The following TAX1BP1 variants were observed in gnomAD, a reference collection of about 807,000 sequenced individuals.
TAX1BP1 encodes tax1-binding protein 1.
TAX1BP1 carries 62 observed loss-of-function variants against 97.7 expected under a neutral mutation model. That is an observed-to-expected ratio of 0.63 (90% CI 0.52 to 0.78). The LOEUF (loss-of-function observed/expected upper bound fraction) is 0.78, where lower values mean the gene tolerates loss of function less well. Ranked by LOEUF, TAX1BP1 falls within the 30% of genes least tolerant of loss-of-function variation. The probability of loss-of-function intolerance (pLI) is 0.00; values close to 1 mark genes in which losing one functional copy is unlikely to be tolerated. For missense variants in TAX1BP1, 867 were observed against 916.1 expected (o/e 0.95, Z 0.69); for synonymous variants, 340 against 304.2 (o/e 1.12, Z -1.23).
chr7:27,772,450 A>G (rs1486360166), intron 5 of TAX1BP1: 1 of 152,098 alleles, frequency 6.6e-6, no homozygotes, highest in Non-Finnish European at 1.5e-5. Context: ...TCCATGTAAT[A>G]AGCAGAGACC....
chr7:27,760,043 G>A (rs1295727757), intron 3 of TAX1BP1, among the ~76,000 whole-genome samples: 2 of 151,804 alleles, frequency 1.3e-5, no homozygotes, highest in Non-Finnish European at 2.9e-5. Context: ...TAATGGAGAC[G>A]GGGTTTTGCC....
intron 3 of TAX1BP1, among the ~76,000 whole-genome samples, chr7:27,763,444 A>G (rs1788505095): frequency 6.6e-6 from 1 of 152,020 alleles, no homozygotes; most frequent in Non-Finnish European, 1.5e-5. Flanking sequence ...TTAGCAGTTT[A>G]TTTTAGTGAA....
At chr7:27,754,188 T>A (rs1583669528) in intron 2 of TAX1BP1, among the ~76,000 whole-genome samples, 1 of 152,268 alleles carries the variant, frequency 6.6e-6, no homozygotes, top group East Asian at 1.9e-4. Flanking sequence ...GATTAGAAGG[T>A]GGATCCAAAC....
chr7:27,778,195 G>A (rs1263993473), intron 5 of TAX1BP1, among the ~76,000 whole-genome samples: 4 of 152,266 alleles, frequency 2.6e-5, no homozygotes, highest in African/African-American at 9.6e-5. Context: ...AATGAAAAAT[G>A]TACACTGCAA....
At chr7:27,803,278 A>G (rs1790207433) in intron 13 of TAX1BP1, 1 of 1,139,782 alleles carries the variant, frequency 8.8e-7, no homozygotes, top group Non-Finnish European at 1.2e-6. Context: ...GTGACAGTAC[A>G]ATGTTCAAAT....
chr7:27,781,102 T>C (rs1444673317), intron 5 of TAX1BP1, among the ~76,000 whole-genome samples: 3 of 152,210 alleles, frequency 2.0e-5, no homozygotes, highest in Non-Finnish European at 4.4e-5. Context: ...CACTAATATA[T>C]TTGTAGCCTG....
At chr7:27,805,457 A>G (rs1001348896) in intron 13 of TAX1BP1, among the ~76,000 whole-genome samples, 9 of 152,068 alleles carry the variant, frequency 5.9e-5, no homozygotes, top group African/African-American at 1.9e-4. Context: ...TACTTTTACC[A>G]TGTAAATGTT....
chr7:27,808,382 A>G (rs1790424997), intron 13 of TAX1BP1, among the ~76,000 whole-genome samples: 1 of 152,160 alleles, frequency 6.6e-6, no homozygotes, highest in African/African-American at 2.4e-5. Context: ...TCCTTGATAT[A>G]TTTACTCAAG....
intron 1 of TAX1BP1, among the ~76,000 whole-genome samples, chr7:27,744,550 ATT>A (rs1404403556): frequency 1.3e-5 from 2 of 152,368 alleles, no homozygotes; most frequent in South Asian, 2.1e-4. Flanking sequence ...TATATTTAGT[ATT>A]TATCTAAATT....
Position 27,799,976 on chromosome 7 carries a change from A to G in TAX1BP1, c.1650A>G (p.Ala550=), listed in dbSNP as rs950741118. 2.0e-5 allele frequency: 32 copies of G among 1,594,078 alleles called. No individual in the cohort carries two copies. The highest frequency in any genetic ancestry group is 2.6e-5 in the Non-Finnish European group (31 of 1,172,976). The change falls in exon 13 of 17, where the codon GCA becomes GCG. Residue 550 remains alanine (A), a synonymous_variant. Transcript: ENST00000396319. ...KCKQLLQDEK[A]KCNKYADELA... is the part of the protein sequence containing the mutation. ...CTAATTTCATTTAGGATGAGAAAGCAAAATGCAATAAATATGCTGATGAAC... is the reference window on the plus strand; with the variant it reads ...CTAATTTCATTTAGGATGAGAAAGCGAAATGCAATAAATATGCTGATGAAC...
chr7:27,779,744 G>A (rs536601965), intron 5 of TAX1BP1, among the ~76,000 whole-genome samples: 22 of 152,278 alleles, frequency 1.4e-4, no homozygotes, highest in African/African-American at 5.3e-4. Flanking sequence ...GAAGTCTGGG[G>A]AGGGGATCGC....
intron 5 of TAX1BP1, among the ~76,000 whole-genome samples, chr7:27,775,125 A>G (rs1224640183): frequency 6.6e-6 from 1 of 152,190 alleles, no homozygotes; most frequent in South Asian, 2.1e-4. Flanking sequence ...ATTGAGCCTG[A>G]GAAGCTATGG....
At chr7:27,802,466 G>A (rs1012268858) in intron 13 of TAX1BP1, among the ~76,000 whole-genome samples, 1 of 152,176 alleles carries the variant, frequency 6.6e-6, no homozygotes, top group African/African-American at 2.4e-5. Context: ...ATTTGTATTT[G>A]TATCCATTAA....
chr7:27,810,667 G>T (rs945679914), intron 13 of TAX1BP1, among the ~76,000 whole-genome samples: 38 of 152,172 alleles, frequency 2.5e-4, no homozygotes, highest in Admixed American at 2.1e-3. Context: ...TATATCTCCT[G>T]CCTGAGACAG....
At chr7:27,799,582 A>T (rs1461292606) in intron 12 of TAX1BP1, among the ~76,000 whole-genome samples, 1 of 152,208 alleles carries the variant, frequency 6.6e-6, no homozygotes, top group African/African-American at 2.4e-5. Flanking sequence ...ATCCCCTGAG[A>T]TAAGAACTAT....
At chr7:27,804,857 C>T (rs1420660980) in intron 13 of TAX1BP1, among the ~76,000 whole-genome samples, 1 of 152,152 alleles carries the variant, frequency 6.6e-6, no homozygotes, top group Non-Finnish European at 1.5e-5. Context: ...CATAGAAATC[C>T]TCCATCTTTT....
At chr7:27,801,827 G>A (rs1583392145) in intron 13 of TAX1BP1, among the ~76,000 whole-genome samples, 1 of 152,142 alleles carries the variant, frequency 6.6e-6, no homozygotes, top group African/African-American at 2.4e-5. Flanking sequence ...ATTTTGTACT[G>A]TTTTGACACA....
chr7:27,821,840 A>C (rs2128326425), intron 15 of TAX1BP1, among the ~76,000 whole-genome samples: 1 of 152,186 alleles, frequency 6.6e-6, no homozygotes, highest in African/African-American at 2.4e-5. Context: ...CTTCCCATTT[A>C]TTCCCACCAG....
intron 7 of TAX1BP1, among the ~76,000 whole-genome samples, chr7:27,785,852 C>T (rs1012735395): frequency 3.3e-5 from 5 of 152,128 alleles, no homozygotes; most frequent in African/African-American, 1.2e-4. Context: ...GTATATCACC[C>T]CTAAAAGTTA....
Sources: gnomAD v4.1 joint callset for allele counts (sites outside exome capture counted in the v4.1 genomes callset) on GRCh38, gnomAD v4.1.1 for gene constraint, MANE v1.5 for transcripts, NCBI Gene and HGNC (gene_info 2026-07-23, HGNC 2026-07-21) for gene names.